Variants in MPDZ observed in about 807,000 individuals in gnomAD.
The protein encoded by MPDZ is multiple PDZ domain protein.
In MPDZ, 234 loss-of-function variants were observed where a neutral mutation model predicts 239.1. The ratio of observed to expected loss-of-function variants is 0.98; its 90% CI spans 0.88 to 1.09. The LOEUF is 1.09. Ranked by LOEUF, MPDZ falls within the 50% of genes least tolerant of loss-of-function variation. The pLI, the probability that MPDZ is intolerant of heterozygous loss-of-function variation, is 0.00. For missense variants in MPDZ, 3,175 were observed against 2,510.0 expected (o/e 1.26, Z -5.66); for synonymous variants, 1,048 against 881.3 (o/e 1.19, Z -3.35).
At chr9:13,160,985 T>A (rs562088472) in intron 23 of MPDZ, among the ~76,000 whole-genome samples, 4 of 150,992 alleles carry the variant, frequency 2.6e-5, no homozygotes, top group East Asian at 2.0e-4. Flanking sequence ...CACCCTTTTA[T>A]ATAAGGGATT....
intron 1 of MPDZ, among the ~76,000 whole-genome samples, chr9:13,257,681 G>A (rs771401145): frequency 3.3e-5 from 5 of 152,138 alleles, no homozygotes; most frequent in Non-Finnish European, 5.9e-5. Context: ...GAAGGACACT[G>A]AGATAATCTT....
chr9:13,258,301 A>G lies in MPDZ; in HGVS notation c.-57-7929T>C, dbSNP rs77511050. Among the ~76,000 whole-genome samples, 837 of 152,358 alleles carry G rather than the reference A, an allele frequency of 5.5e-3. 6 individuals carry two copies. The highest frequency in any genetic ancestry group is 0.018 in the African/African-American group (750 of 41,596). On this transcript the variant is annotated intron_variant, in intron 1 of 46. Coordinates refer to ENST00000319217, the MANE Select transcript of MPDZ (RefSeq NM_001378778.1). ...AGTGAAAATATGTTTTAGGCTAAAA[A>G]TAACTCTATGAAGAGAAACTGCCCA...
chr9:13,201,047 TC>T (rs2135477008), intron 12 of MPDZ, among the ~76,000 whole-genome samples: 1 of 152,190 alleles, frequency 6.6e-6, no homozygotes, highest in Admixed American at 6.6e-5. Context: ...AGTAAATCTC[TC>T]CCTTCAGGTT....
intron 24 of MPDZ, among the ~76,000 whole-genome samples, chr9:13,155,136 C>G (rs1192362241): frequency 1.3e-5 from 2 of 150,850 alleles, no homozygotes; most frequent in Non-Finnish European, 2.9e-5. Context: ...AGAATTCGCT[C>G]TAACCTGGGA....
chr9:13,165,467 G>A (rs1303827753), intron 22 of MPDZ: 19 of 1,540,792 alleles, frequency 1.2e-5, no homozygotes, highest in Non-Finnish European at 1.7e-5. Context: ...AAATGTCAAT[G>A]TCTTGTGCTG....
chr9:13,203,099 T>C (rs768857989), intron 12 of MPDZ, among the ~76,000 whole-genome samples: 6 of 152,178 alleles, frequency 3.9e-5, no homozygotes, highest in African/African-American at 9.6e-5. Flanking sequence ...TCATTATACA[T>C]TGTATACATG....
intron 32 of MPDZ, among the ~76,000 whole-genome samples, chr9:13,132,088 C>T (rs375626664): frequency 5.9e-5 from 9 of 152,276 alleles, no homozygotes; most frequent in South Asian, 2.1e-4. Context: ...AAGCTTTCAG[C>T]GGGCAATACA....
intron 3 of MPDZ, among the ~76,000 whole-genome samples, chr9:13,238,055 G>A (rs923984683): frequency 1.3e-5 from 2 of 152,138 alleles, no homozygotes; most frequent in Non-Finnish European, 1.5e-5. Flanking sequence ...GGCAGATAGC[G>A]AGGGTATAGT....
intron 27 of MPDZ, among the ~76,000 whole-genome samples, chr9:13,142,364 T>G (rs1947834323): frequency 6.6e-6 from 1 of 152,122 alleles, no homozygotes; most frequent in African/African-American, 2.4e-5. Flanking sequence ...AAGCCTCTAT[T>G]TACTTGAGGG....
At chr9:13,205,503 T>A (rs2135653270) in intron 11 of MPDZ, among the ~76,000 whole-genome samples, 1 of 152,280 alleles carries the variant, frequency 6.6e-6, no homozygotes, top group South Asian at 2.1e-4. Flanking sequence ...TTAAAGTCGA[T>A]TCCTTCAAGG....
intron 17 of MPDZ, among the ~76,000 whole-genome samples, chr9:13,187,872 A>T (rs1248984735): frequency 6.6e-6 from 1 of 152,168 alleles, no homozygotes; most frequent in Non-Finnish European, 1.5e-5. Flanking sequence ...TACATTTAAT[A>T]TAACATACTG....
intron 12 of MPDZ, among the ~76,000 whole-genome samples, chr9:13,204,520 A>C (rs1956774623): frequency 6.6e-6 from 1 of 152,200 alleles, no homozygotes; most frequent in African/African-American, 2.4e-5. Context: ...ATGATAATTT[A>C]TCTGCAATTA....
intron 21 of MPDZ, among the ~76,000 whole-genome samples, chr9:13,173,903 C>T (rs1255927209): frequency 6.6e-6 from 1 of 152,162 alleles, no homozygotes; most frequent in African/African-American, 2.4e-5. Flanking sequence ...CAGTAGATGG[C>T]TGCAGCAGAA....
chr9:13,174,387 G>C (rs1952189222), intron 21 of MPDZ, among the ~76,000 whole-genome samples: 3 of 152,114 alleles, frequency 2.0e-5, no homozygotes, highest in African/African-American at 7.2e-5. Flanking sequence ...AAATACACTA[G>C]AATAATAGTT....
At chr9:13,155,829 C>G (rs1487385027) in intron 24 of MPDZ, among the ~76,000 whole-genome samples, 1 of 152,118 alleles carries the variant, frequency 6.6e-6, no homozygotes, top group Non-Finnish European at 1.5e-5. Context: ...ATGAACTTCC[C>G]CTAGAAGTAG....
rs955450980 is a variant in MPDZ, at chr9:13,189,129, C to A, written c.2155-136G>T. On this transcript the variant is annotated intron_variant, in intron 16 of 46. Coordinates refer to ENST00000319217, the MANE Select transcript of MPDZ (RefSeq NM_001378778.1). ...ATTTTCATGCCAAAAAAAATCCATA[C>A]AAAATTTCTAATTATTTAGACAAAA... 1.2e-5 allele frequency: 9 copies of A among 730,972 alleles called. No individual in the cohort carries two copies. In the Admixed American group the frequency reaches 2.4e-4, roughly 19 times the overall value. The allele number at this position is 730,972 out of a possible 1,614,324, so 45.3% of individuals were successfully genotyped here.
chr9:13,151,349 T>C (rs1949143555), intron 24 of MPDZ, among the ~76,000 whole-genome samples: 3 of 152,078 alleles, frequency 2.0e-5, no homozygotes, highest in Admixed American at 2.0e-4. Context: ...CTCAAAGAAA[T>C]ATTTATACAC....
chr9:13,206,956 G>C (rs1012536889), intron 10 of MPDZ, among the ~76,000 whole-genome samples: 1 of 152,056 alleles, frequency 6.6e-6, no homozygotes, highest in Non-Finnish European at 1.5e-5. Context: ...TGAGTTTACA[G>C]ATACAGGCCA....
chr9:13,241,595 T>A (rs1182859749), intron 3 of MPDZ, among the ~76,000 whole-genome samples: 1 of 152,078 alleles, frequency 6.6e-6, no homozygotes, highest in South Asian at 2.1e-4. Flanking sequence ...GTTTGTTATT[T>A]ATATAAGAAG....
Sources: gnomAD v4.1 joint callset for allele counts (sites outside exome capture counted in the v4.1 genomes callset) on GRCh38, gnomAD v4.1.1 for gene constraint, MANE v1.5 for transcripts, NCBI Gene and HGNC (gene_info 2026-07-23, HGNC 2026-07-21) for gene names.